CRABP1: variants seen among roughly 807,000 people sequenced by gnomAD.
CRABP1 encodes cellular retinoic acid binding protein 1.
In CRABP1, 9 loss-of-function variants were observed where a neutral mutation model predicts 16.4. The observed-to-expected ratio is 0.55, with a 90% CI of 0.33 to 0.96. The LOEUF (loss-of-function observed/expected upper bound fraction) is 0.96, where lower values mean the gene tolerates loss of function less well. Among genes scored for constraint, CRABP1 ranks in the 40% least tolerant of loss-of-function variants. CRABP1 has a pLI of 0.03. For synonymous variants in CRABP1, 72 were observed against 70.4 expected, an observed-to-expected ratio of 1.02 and a Z score of -0.11; for missense variants, 157 against 186.0, an observed-to-expected ratio of 0.84 and a Z score of 0.91.
chr15:78,341,894 G>GC lies in CRABP1; in HGVS notation c.249+673_249+674insC, dbSNP rs2050237623. On this transcript the variant is annotated intron_variant, in intron 2 of 3. Transcript: ENST00000299529. This position sits in a 1 kb window ranked among gnomAD's most constrained non-coding sequence, Gnocchi z 5.3. ...GATTGAAGCAAGGGGTTGTACATTC[G>GC]TTTTTTGCATGGGCAAAAATTGCAT... The GC allele has an allele frequency of 6.6e-6, 1 of 152,226 alleles. No individual in the cohort carries two copies. The highest frequency in any genetic ancestry group is 1.5e-5 in the Non-Finnish European group (1 of 68,154). 9.4% of individuals were successfully genotyped at this position (152,226 alleles called of 1,614,324 possible).
chr15:78,346,007 T>C (rs1246929710), intron 3 of CRABP1, among the ~76,000 whole-genome samples: 1 of 152,124 alleles, frequency 6.6e-6, no homozygotes, highest in African/African-American at 2.4e-5. Flanking sequence ...AAGCATAGTT[T>C]GCAGGCTGAG....
In CRABP1 at chr15:78,341,170, C is replaced by A; in HGVS notation, c.198C>A (p.Phe66Leu). The A allele has an allele frequency of 6.2e-7, 1 of 1,613,026 alleles. No homozygotes were observed. ...CGGTGCGCACCACTGAGATCAACTT[C>A]AAGGTCGGAGAAGGCTTTGAGGAGG... ...STTVRTTEIN[F>L]KVGEGFEEET... Residue 66 changes from phenylalanine to leucine, a missense_variant, in exon 2 of 4, where the codon TTC becomes TTA. Coordinates refer to ENST00000299529, the MANE Select transcript of CRABP1 (RefSeq NM_004378.3). This position sits in a 1 kb window ranked among gnomAD's most constrained non-coding sequence, Gnocchi z 5.3.
Position 78,340,646 on chromosome 15 carries a change from G to A in CRABP1, c.70+148G>A. ...GGGCAATAGATCGCCTTGTCTCCCA[G>A]GCGCACCGGGTCTCGGAGAAGCTGG... On this transcript the variant is annotated intron_variant, in intron 1 of 3. Coordinates refer to ENST00000299529, the MANE Select transcript of CRABP1 (RefSeq NM_004378.3). 3.4e-6 allele frequency: 3 copies of A among 873,870 alleles called. No homozygotes were observed. In the South Asian group the frequency reaches 5.5e-5, roughly 16 times the overall value. 54.1% of individuals were successfully genotyped at this position (873,870 alleles called of 1,614,324 possible). A position where few individuals can be genotyped will look rare whatever the true frequency, so the allele number is the denominator to read the frequency against.
At chr15:78,340,585 T>A in intron 1 of CRABP1, 87 bp downstream of exon 1, 2 of 1,472,770 alleles carry the variant, frequency 1.4e-6, no homozygotes. Flanking sequence ...CTGGAGGGGG[T>A]GGAAGTTGGG....
At chr15:78,343,135 T>G (rs1246997147) in intron 2 of CRABP1, among the ~76,000 whole-genome samples, 1 of 151,914 alleles carries the variant, frequency 6.6e-6, no homozygotes, top group Admixed American at 6.6e-5. Flanking sequence ...TGAATAAAAA[T>G]AAATAAAATC....
chr15:78,346,785 G>C (rs148723854), intron 3 of CRABP1, among the ~76,000 whole-genome samples: 1 of 152,196 alleles, frequency 6.6e-6, no homozygotes, highest in Non-Finnish European at 1.5e-5. Context: ...AGAGCATCTC[G>C]TGACCAACTA....
chr15:78,343,401 G>A, intron 2 of CRABP1, 98 bp from the exon 3 acceptor site: 1 of 930,116 alleles, frequency 1.1e-6, no homozygotes, highest in Non-Finnish European at 1.7e-6. Context: ...ACCATGTGTT[G>A]ATTCTCTGCA....
intron 3 of CRABP1, among the ~76,000 whole-genome samples, 192 bp downstream of exon 3, chr15:78,343,804 G>C (rs1484925064): frequency 4.6e-5 from 7 of 152,232 alleles, no homozygotes; most frequent in Non-Finnish European, 7.3e-5. Flanking sequence ...TGGCAGGAAA[G>C]AGGAGTGGCT....
intron 3 of CRABP1, among the ~76,000 whole-genome samples, chr15:78,344,071 T>C (rs2050251154): frequency 6.6e-6 from 1 of 152,190 alleles, no homozygotes; most frequent in South Asian, 2.1e-4. Context: ...TTTTTAGCTG[T>C]GATTTGCAAA....
At chr15:78,347,798 C>A (rs1393847102) in intron 3 of CRABP1, 129 bp from the exon 4 acceptor site, 1 of 849,490 alleles carries the variant, frequency 1.2e-6, no homozygotes, top group Non-Finnish European at 2.0e-6. Flanking sequence ...TGAGCACACA[C>A]ACAGGAAATT....
In CRABP1 at chr15:78,341,296, T is replaced by C; in HGVS notation, c.249+75T>C. The C allele has an allele frequency of 1.3e-6, 2 of 1,511,228 alleles. No individual in the cohort carries two copies. Among genetic ancestry groups the C allele is most frequent in the Admixed American group, 1.9e-5 (1 of 52,082 alleles). The allele number at this position is 1,511,228 out of a possible 1,614,324, so 93.6% of individuals were successfully genotyped here. On this transcript the variant is annotated intron_variant, in intron 2 of 3. Coordinates refer to ENST00000299529, the MANE Select transcript of CRABP1 (RefSeq NM_004378.3). This position sits in a 1 kb window ranked among gnomAD's most constrained non-coding sequence, Gnocchi z 5.3. ...ATGGCCCACTGCTGCTGGAGGAACC[T>C]GTGTCTCCCTTTGCAGCCTGTGGCG... is the stretch of plus-strand genomic sequence containing the variant.
intron 2 of CRABP1, 83 bp from the exon 3 acceptor site, chr15:78,343,416 A>G (rs1242745157): frequency 9.5e-7 from 1 of 1,051,300 alleles, no homozygotes; most frequent in Non-Finnish European, 1.5e-6. Context: ...TCTGCAGAGC[A>G]ATTATTTTTC....
rs2050246278 is a variant in CRABP1, at chr15:78,343,408, T to G, written c.250-91T>G. Reference sequence around the variant, plus strand: ...TGACAGGGACCATGTGTTGATTCTCTGCAGAGCAATTATTTTTCAATGCTC... The same window carrying G: ...TGACAGGGACCATGTGTTGATTCTCGGCAGAGCAATTATTTTTCAATGCTC... On this transcript the variant is annotated intron_variant, in intron 2 of 3. Coordinates refer to ENST00000299529, the MANE Select transcript of CRABP1 (RefSeq NM_004378.3). 1.0e-5 allele frequency: 10 copies of G among 997,008 alleles called. No individual in the cohort carries two copies. In the South Asian group the frequency reaches 1.3e-4, roughly 13 times the overall value. The allele number at this position is 997,008 out of a possible 1,614,324, so 61.8% of individuals were successfully genotyped here. A position where few individuals can be genotyped will look rare whatever the true frequency, so the allele number is the denominator to read the frequency against.
chr15:78,341,251 C>T lies in CRABP1; in HGVS notation c.249+30C>T, dbSNP rs762434409. On this transcript the variant is annotated intron_variant, in intron 2 of 3. Transcript: ENST00000299529. The surrounding 1 kb of genome is among the most constrained non-coding windows in gnomAD (Gnocchi z 5.3). ...GGCCCCAGAGCCACTACAGCGTCCC[C>T]GTGTCCCCGCTCGGTGCCCATGGCC... is the stretch of plus-strand genomic sequence containing the variant. 3.8e-6 allele frequency: 6 copies of T among 1,589,912 alleles called. No individual in the cohort carries two copies. In the African/African-American group the frequency reaches 4.0e-5, roughly 11 times the overall value.
At chr15:78,345,716 T>C (rs1444768724) in intron 3 of CRABP1, among the ~76,000 whole-genome samples, 1 of 152,170 alleles carries the variant, frequency 6.6e-6, no homozygotes, top group African/African-American at 2.4e-5. Context: ...ACAGCAAACA[T>C]ATATACAAGA....
chr15:78,343,698 G>A (rs1374497488), intron 3 of CRABP1, 86 bp downstream of exon 3: 7 of 941,068 alleles, frequency 7.4e-6, no homozygotes, highest in South Asian at 1.5e-5. Context: ...CTCCTCACTC[G>A]GCCGTTCAGA....
In CRABP1 at chr15:78,345,756, G is replaced by A. The variant is rs535281343; in HGVS notation, c.363+2144G>A. ...AAGGGAAAGGGAGTATTAACTCTTGGCATTTTGGATCTGAAATGTGGGCTT... is the reference window on the plus strand; with the variant it reads ...AAGGGAAAGGGAGTATTAACTCTTGACATTTTGGATCTGAAATGTGGGCTT... On this transcript the variant is annotated intron_variant, in intron 3 of 3. Transcript: ENST00000299529. 2.0e-5 allele frequency among the ~76,000 whole-genome samples: 3 copies of A among 152,278 alleles called. No homozygotes were observed. The South Asian group carries it at 6.2e-4, about 32-fold the overall frequency.
intron 3 of CRABP1, among the ~76,000 whole-genome samples, chr15:78,346,951 G>T (rs1405347979): frequency 1.3e-5 from 2 of 151,292 alleles, no homozygotes; most frequent in Non-Finnish European, 2.9e-5. Flanking sequence ...CTCACATCAG[G>T]TTTACAGACT....
chr15:78,346,229 C>T (rs982640811), intron 3 of CRABP1, among the ~76,000 whole-genome samples: 3 of 152,136 alleles, frequency 2.0e-5, no homozygotes, highest in Non-Finnish European at 1.5e-5. Context: ...CAGACATCTG[C>T]GAGGTAGACT....
Sources: gnomAD v4.1 joint callset for allele counts (sites outside exome capture counted in the v4.1 genomes callset) on GRCh38, gnomAD v4.1.1 for gene constraint, Gnocchi (gnomAD v3.1) non-coding constraint, MANE v1.5 for transcripts, NCBI Gene and HGNC (gene_info 2026-07-23, HGNC 2026-07-21) for gene names.